Variants in DORIP1 observed in about 807,000 individuals in gnomAD.
DORIP1 encodes the protein dopamine receptor-interacting protein 1.
chr14:44,899,823 A>ATTTTTTTT, the DORIP1 span, among the ~76,000 whole-genome samples: 27 of 134,440 alleles, frequency 2.0e-4, 1 homozygote, highest in Middle Eastern at 3.6e-3. Flanking sequence ...TTCATTTAGG[A>ATTTTTTTT]ATTTTTTTTT....
At chr14:44,897,562 C>T in the DORIP1 span, 1 of 186,492 alleles carries the variant, frequency 5.4e-6, no homozygotes, top group Non-Finnish European at 1.1e-5. Context: ...TTTCGGTCCC[C>T]AGGGAGGTAC....
At chr14:44,900,289 A>G in the DORIP1 span, 14 of 666,932 alleles carry the variant, frequency 2.1e-5, no homozygotes, top group Admixed American at 3.1e-4. Flanking sequence ...AAAGTGGCTC[A>G]TTTAAATTTT....
chr14:44,898,207 A>G, the DORIP1 span, among the ~76,000 whole-genome samples: 1 of 152,156 alleles, frequency 6.6e-6, no homozygotes, highest in Non-Finnish European at 1.5e-5. Context: ...CTTCACAGCT[A>G]TCTTTCCATC....
the DORIP1 span, chr14:44,900,440 A>G: frequency 6.7e-7 from 1 of 1,490,668 alleles, no homozygotes; most frequent in Non-Finnish European, 8.9e-7. Flanking sequence ...TGTAGGATGA[A>G]GACACTGTTT....
the DORIP1 span, chr14:44,903,358 G>T: frequency 6.5e-7 from 1 of 1,531,146 alleles, no homozygotes; most frequent in Non-Finnish European, 8.9e-7. Flanking sequence ...AACCTAGGCA[G>T]ATGTGCTCCT....
At chr14:44,903,717 G>C in the DORIP1 span, 1 of 964,386 alleles carries the variant, frequency 1.0e-6, no homozygotes, top group Non-Finnish European at 1.2e-6. Context: ...TGTATAATGA[G>C]AATTAATATT....
chr14:44,903,797 A>AT, the DORIP1 span: 1 of 980,120 alleles, frequency 1.0e-6, no homozygotes, highest in Non-Finnish European at 1.2e-6. Flanking sequence ...AATTGTACCT[A>AT]TTAAGTCCAG....
chr14:44,905,327 G>A, the DORIP1 span: 3 of 1,287,982 alleles, frequency 2.3e-6, no homozygotes, highest in African/African-American at 3.0e-5. Flanking sequence ...TCTTAACAAA[G>A]TATTAAATTT....
At chr14:44,899,823 A>AT in the DORIP1 span, among the ~76,000 whole-genome samples, 1,324 of 134,422 alleles carry the variant, frequency 9.8e-3, 126 homozygotes, top group African/African-American at 0.043. Context: ...TTCATTTAGG[A>AT]ATTTTTTTTT....
the DORIP1 span, chr14:44,904,954 C>G: frequency 2.0e-3 from 334 of 169,930 alleles, 3 homozygotes; most frequent in African/African-American, 7.2e-3. Context: ...GTATTTTGTG[C>G]CTGACACATA....
At chr14:44,905,554 T>C in the DORIP1 span, 17 of 1,484,142 alleles carry the variant, frequency 1.1e-5, no homozygotes, top group African/African-American at 2.8e-5. Context: ...GAAATAAATA[T>C]AGATTGATGC....
At chr14:44,906,921 C>T in the DORIP1 span, 1 of 139,256 alleles carries the variant, frequency 7.2e-6, no homozygotes, top group South Asian at 2.2e-4. Flanking sequence ...ATTTATTTTA[C>T]AAAAAAAAAA....
At chr14:44,899,018 T>C in the DORIP1 span, 1 of 152,226 alleles carries the variant, frequency 6.6e-6, no homozygotes, top group Non-Finnish European at 1.5e-5. Flanking sequence ...CTCATTTCTC[T>C]GTTTCCACTC....
chr14:44,900,017 G>A, the DORIP1 span, among the ~76,000 whole-genome samples: 1 of 151,894 alleles, frequency 6.6e-6, no homozygotes, highest in African/African-American at 2.4e-5. Flanking sequence ...TTTTAATAGA[G>A]AGAGGGTTTC....
chr14:44,904,302 A>G, the DORIP1 span: 4 of 1,500,560 alleles, frequency 2.7e-6, no homozygotes, highest in South Asian at 1.5e-5. Context: ...ATAGATAATT[A>G]TAAGAAAATT....
chr14:44,903,496 C>T, the DORIP1 span: 2 of 1,184,120 alleles, frequency 1.7e-6, no homozygotes, highest in South Asian at 7.7e-5. Context: ...AATACCTTTT[C>T]TTTTTTCCCC....
chr14:44,905,715 C>G, the DORIP1 span: 2 of 422,502 alleles, frequency 4.7e-6, no homozygotes, highest in Non-Finnish European at 8.1e-6. Flanking sequence ...TATAGAGGAT[C>G]TGTGCAAAAA....
At chr14:44,898,356 CAT>C in the DORIP1 span, among the ~76,000 whole-genome samples, 3 of 152,140 alleles carry the variant, frequency 2.0e-5, no homozygotes, top group African/African-American at 7.2e-5. Flanking sequence ...TTTCATGCCA[CAT>C]ATGTCATTAT....
the DORIP1 span, chr14:44,905,157 G>T: frequency 5.3e-6 from 2 of 380,226 alleles, no homozygotes; most frequent in Non-Finnish European, 9.2e-6. Context: ...AAACATACAG[G>T]TTATAAGTTC....
Sources: allele counts gnomAD v4.1 joint callset (sites outside exome capture counted in the v4.1 genomes callset), GRCh38; gene constraint gnomAD v4.1.1; transcripts MANE v1.5; gene names NCBI Gene and HGNC (gene_info 2026-07-23, HGNC 2026-07-21).